The following RCL1 variants were observed in gnomAD, a reference collection of about 807,000 sequenced individuals.
RCL1 encodes the protein RNA 3'-terminal phosphate cyclase-like protein.
Under a neutral mutation model 42.4 loss-of-function variants are expected in RCL1, and 24 were observed. The ratio of observed to expected loss-of-function variants is 0.57; its 90% CI spans 0.41 to 0.80. RCL1 has a LOEUF of 0.80. RCL1 is among the 30% of genes least tolerant of loss of function. The pLI, the probability that RCL1 is intolerant of heterozygous loss-of-function variation, is 0.00. For synonymous variants in RCL1, 228 were observed against 177.3 expected, an observed-to-expected ratio of 1.29 and a Z score of -2.27; for missense variants, 578 against 467.9, an observed-to-expected ratio of 1.24 and a Z score of -2.17.
At chr9:4,823,427 G>A in intron 1 of RCL1, 121 bp from the exon 2 acceptor site, 1 of 677,668 alleles carries the variant, frequency 1.5e-6, no homozygotes. Context: ...GCCCAGGTGT[G>A]ATGCAGGAAG....
chr9:4,822,191 A>G (rs1304648608), intron 1 of RCL1, among the ~76,000 whole-genome samples: 1 of 152,186 alleles, frequency 6.6e-6, no homozygotes, highest in Admixed American at 6.5e-5. Flanking sequence ...GACTAGGTAG[A>G]TGGGAATTGC....
chr9:4,802,215 G>A (rs773979673), intron 1 of RCL1, among the ~76,000 whole-genome samples: 5 of 151,764 alleles, frequency 3.3e-5, no homozygotes, highest in Non-Finnish European at 5.9e-5. Context: ...GTGAGCCACA[G>A]CTCCTGGCCA....
At chr9:4,797,929 A>AT (rs1842939861) in intron 1 of RCL1, among the ~76,000 whole-genome samples, 1 of 152,218 alleles carries the variant, frequency 6.6e-6, no homozygotes, top group African/African-American at 2.4e-5. Flanking sequence ...CACATGTATA[A>AT]TTTATGCTTC....
At chr9:4,801,874 T>C (rs894077385) in intron 1 of RCL1, among the ~76,000 whole-genome samples, 2 of 151,922 alleles carry the variant, frequency 1.3e-5, no homozygotes, top group African/African-American at 2.4e-5. Context: ...TTCTGTTCCA[T>C]TGATTTATAT....
chr9:4,856,464 A>G (rs999705287), intron 8 of RCL1, among the ~76,000 whole-genome samples: 2 of 152,218 alleles, frequency 1.3e-5, no homozygotes, highest in Non-Finnish European at 2.9e-5. Flanking sequence ...GCTAAATTCT[A>G]TTCAGTGCCT....
At chr9:4,826,545 C>T (rs891705776) in intron 2 of RCL1, among the ~76,000 whole-genome samples, 1 of 152,146 alleles carries the variant, frequency 6.6e-6, no homozygotes, top group Non-Finnish European at 1.5e-5. Flanking sequence ...TGAGAATGTG[C>T]TGTTGGGAGA....
intron 3 of RCL1, 24 bp downstream of exon 3, chr9:4,827,057 G>GTGTGGTTT (rs747335862): frequency 3.1e-6 from 5 of 1,614,068 alleles, no homozygotes; most frequent in Non-Finnish European, 2.5e-6. Flanking sequence ...ACAAACCGTG[G>GTGTGGTTT]TGTGGTTTTT....
At chr9:4,843,684 G>C (rs1817409984) in intron 6 of RCL1, among the ~76,000 whole-genome samples, 1 of 152,202 alleles carries the variant, frequency 6.6e-6, no homozygotes, top group Non-Finnish European at 1.5e-5. Context: ...CACACAGATG[G>C]AAATTCTTGG....
At chr9:4,853,324 CTT>C (rs33973400) in intron 8 of RCL1, among the ~76,000 whole-genome samples, 44 of 134,974 alleles carry the variant, frequency 3.3e-4, no homozygotes, top group Non-Finnish European at 2.4e-4. Flanking sequence ...CCACTGTGCT[CTT>C]TTTTTTTTTT....
At position 4,844,508 on chromosome 9, in the gene RCL1, T is replaced by C; in HGVS notation, c.711-17T>C. The stretch of plus-strand genomic sequence containing the variant: ...CTTGGTTAAACCTACTCAGTGTTTG[T>C]GCCTTTGTATCTCCAGGTCTCCGGG... On this transcript the variant is annotated splice_polypyrimidine_tract_variant and intron_variant, in intron 6 of 8. Coordinates refer to ENST00000381750, the MANE Select transcript of RCL1 (RefSeq NM_005772.5). 6 of 1,600,826 alleles carry C rather than the reference T, an allele frequency of 3.7e-6. No homozygotes were observed. Among genetic ancestry groups the C allele is most frequent in the Non-Finnish European group, 5.1e-6 (6 of 1,172,772 alleles).
intron 8 of RCL1, among the ~76,000 whole-genome samples, chr9:4,849,904 C>CT (rs1817666694): frequency 6.6e-6 from 1 of 152,036 alleles, no homozygotes; most frequent in Admixed American, 6.6e-5. Context: ...AGCTGTCTAA[C>CT]TTGCTGTGGG....
chr9:4,825,746 C>G (rs573717488), intron 2 of RCL1, among the ~76,000 whole-genome samples: 1 of 152,166 alleles, frequency 6.6e-6, no homozygotes, highest in East Asian at 1.9e-4. Context: ...TAGTAAGAAG[C>G]TTTTTGGAGA....
intron 1 of RCL1, among the ~76,000 whole-genome samples, chr9:4,807,852 T>G (rs1426501782): frequency 6.6e-6 from 1 of 152,212 alleles, no homozygotes; most frequent in Non-Finnish European, 1.5e-5. Flanking sequence ...TTGTTTAGTT[T>G]CCATGTGTTT....
intron 7 of RCL1, 152 bp downstream of exon 7, chr9:4,844,833 A>C (rs1419718153): frequency 4.3e-6 from 3 of 701,208 alleles, no homozygotes; most frequent in Non-Finnish European, 6.8e-6. Flanking sequence ...TAACTAGTTT[A>C]ATTGATTAGC....
chr9:4,793,214 C>T lies in RCL1; in HGVS notation c.123C>T (p.Asn41=), dbSNP rs1323729457. 1.9e-6 allele frequency: 3 copies of T among 1,600,858 alleles called. No individual in the cohort carries two copies. Among genetic ancestry groups the T allele is most frequent in the Non-Finnish European group, 2.6e-6 (3 of 1,173,814 alleles). ...KIRKIRARDD[N]PGLRDFEASF... is the part of the protein sequence containing the mutation. ...GAAAGATTCGGGCCAGAGACGACAA[C>T]CCGGGCCTCCGAGGTAACTTGGTGT... The change falls in exon 1 of 9, where the codon AAC becomes AAT. Residue 41 remains asparagine (N), a synonymous_variant. Coordinates refer to ENST00000381750, the MANE Select transcript of RCL1 (RefSeq NM_005772.5).
At chr9:4,798,579 C>T (rs1001831529) in intron 1 of RCL1, among the ~76,000 whole-genome samples, 2 of 152,224 alleles carry the variant, frequency 1.3e-5, no homozygotes, top group Non-Finnish European at 2.9e-5. Flanking sequence ...GGAAGCATGC[C>T]ACAAAGAGGT....
At chr9:4,851,274 G>A (rs1205795673) in intron 8 of RCL1, among the ~76,000 whole-genome samples, 3 of 152,168 alleles carry the variant, frequency 2.0e-5, no homozygotes, top group Non-Finnish European at 2.9e-5. Flanking sequence ...AGCACAAATT[G>A]TAAGATGATG....
At chr9:4,818,365 G>A (rs887529483) in intron 1 of RCL1, among the ~76,000 whole-genome samples, 5 of 151,534 alleles carry the variant, frequency 3.3e-5, no homozygotes, top group Non-Finnish European at 7.4e-5. Flanking sequence ...AAGATATTTG[G>A]TTCTTTACAT....
rs1341291112 is a variant in RCL1 at position 4,860,586 on chromosome 9, G to A, written c.*311G>A. On this transcript the variant is annotated 3_prime_UTR_variant, in exon 9 of 9. Coordinates refer to ENST00000381750, the MANE Select transcript of RCL1 (RefSeq NM_005772.5). ...ACAGTCTCGTAGCTGCAGTTCAGCT[G>A]TGCTTCCTCAGCCTACTATCATAGG... The A allele has an allele frequency of 1.5e-5, 4 of 270,882 alleles. No individual in the cohort carries two copies. Among genetic ancestry groups the A allele is most frequent in the Non-Finnish European group, 2.7e-5 (4 of 145,706 alleles). The allele number at this position is 270,882 out of a possible 1,614,324, so 16.8% of individuals were successfully genotyped here. A position where few individuals can be genotyped will look rare whatever the true frequency, so the allele number is the denominator to read the frequency against.
Sources: allele counts gnomAD v4.1 joint callset (sites outside exome capture counted in the v4.1 genomes callset), GRCh38; gene constraint gnomAD v4.1.1; transcripts MANE v1.5; gene names NCBI Gene and HGNC (gene_info 2026-07-23, HGNC 2026-07-21).